Variants in CTNND2 observed in about 807,000 individuals in gnomAD.
The protein encoded by CTNND2 is catenin delta 2.
CTNND2 carries 22 observed loss-of-function variants against 144.4 expected under a neutral mutation model. The observed-to-expected ratio is 0.15, with a 90% CI of 0.11 to 0.22. The LOEUF is 0.22. Among genes scored for constraint, CTNND2 ranks in the 10% least tolerant of loss-of-function variants. The probability of loss-of-function intolerance (pLI) is 1.00; values close to 1 mark genes in which losing one functional copy is unlikely to be tolerated. For synonymous variants in CTNND2, 751 were observed against 695.6 expected (o/e 1.08, Z -1.25); for missense variants, 1,353 against 1,618.8 (o/e 0.84, Z 2.82).
chr5:11,213,053 A>C (rs1738800516), intron 10 of CTNND2, among the ~76,000 whole-genome samples: 1 of 152,194 alleles, frequency 6.6e-6, no homozygotes, highest in Non-Finnish European at 1.5e-5. Context: ...CAATGGTTTG[A>C]CCATTTTCCT....
At chr5:11,019,203 G>A (rs1741965535) in intron 17 of CTNND2, among the ~76,000 whole-genome samples, 1 of 151,772 alleles carries the variant, frequency 6.6e-6, no homozygotes, top group Non-Finnish European at 1.5e-5. Context: ...ATATCTCTAA[G>A]GTATGCCTGT....
At chr5:11,588,584 T>C (rs1409393575) in intron 2 of CTNND2, among the ~76,000 whole-genome samples, 1 of 152,212 alleles carries the variant, frequency 6.6e-6, no homozygotes, top group Non-Finnish European at 1.5e-5. Flanking sequence ...AATTGATAAC[T>C]GTGAGGTCAG....
chr5:11,269,935 A>G (rs776151370), intron 9 of CTNND2, among the ~76,000 whole-genome samples: 2 of 152,238 alleles, frequency 1.3e-5, no homozygotes, highest in Non-Finnish European at 2.9e-5. Context: ...TTGCAGGATT[A>G]TGTCAACCCT....
At chr5:11,576,925 A>C (rs1055545718) in intron 2 of CTNND2, among the ~76,000 whole-genome samples, 2 of 152,148 alleles carry the variant, frequency 1.3e-5, no homozygotes, top group Non-Finnish European at 2.9e-5. Flanking sequence ...ACTGGAAATC[A>C]AAATTTGCCC....
chr5:11,170,487 A>G (rs756473595), intron 11 of CTNND2, among the ~76,000 whole-genome samples: 29 of 152,222 alleles, frequency 1.9e-4, no homozygotes, highest in Non-Finnish European at 4.0e-4. Context: ...TTAATTAAAA[A>G]GAACTTTCAG....
chr5:11,048,510 A>G (rs1165229168), intron 16 of CTNND2, among the ~76,000 whole-genome samples: 1 of 152,204 alleles, frequency 6.6e-6, no homozygotes, highest in Non-Finnish European at 1.5e-5. Context: ...AGCGTTAGCC[A>G]CAGAAGAGTT....
chr5:11,547,308 T>C (rs147367387), intron 3 of CTNND2, among the ~76,000 whole-genome samples: 1,813 of 103,964 alleles, frequency 0.017, 20 homozygotes, highest in Middle Eastern at 0.03. Flanking sequence ...AATAAATAAA[T>C]AAATAAATAA....
intron 3 of CTNND2, among the ~76,000 whole-genome samples, chr5:11,485,372 T>TGCGCGCGCGCGCGCGC (rs1293570311): frequency 8.0e-6 from 1 of 125,714 alleles, no homozygotes; most frequent in Non-Finnish European, 1.8e-5. Flanking sequence ...TGTGTGTGTG[T>TGCGCGCGCGCGCGCGC]GTGCGCGCGC....
rs35851795 is a variant in CTNND2, at chr5:10,978,500, A to AG, written c.3417+3272dup. Among the ~76,000 whole-genome samples, 884 of 145,446 alleles carry AG rather than the reference A, an allele frequency of 6.1e-3. 14 individuals carry two copies. Among genetic ancestry groups the AG allele is most frequent in the African/African-American group, 0.019 (796 of 40,910 alleles). The stretch of plus-strand genomic sequence containing the variant: ...ATCTCCTTGGAAATACTTTTTGGGG[A>AG]GGGGGGGGAACCCTCTCTTTGGTGG... On this transcript the variant is annotated intron_variant, in intron 21 of 21. Transcript: ENST00000304623.
chr5:11,281,702 C>A (rs949220808), intron 9 of CTNND2, among the ~76,000 whole-genome samples: 4 of 152,162 alleles, frequency 2.6e-5, no homozygotes, highest in Non-Finnish European at 4.4e-5. Context: ...TCCTCCCCAC[C>A]CACTCACATG....
At chr5:11,516,076 A>T (rs1772139392) in intron 3 of CTNND2, among the ~76,000 whole-genome samples, 3 of 152,124 alleles carry the variant, frequency 2.0e-5, no homozygotes, top group African/African-American at 7.2e-5. Context: ...ACTGCACTCC[A>T]GTCTGGGTGA....
At chr5:11,264,864 G>A (rs529608990) in intron 9 of CTNND2, among the ~76,000 whole-genome samples, 23 of 152,258 alleles carry the variant, frequency 1.5e-4, no homozygotes, top group African/African-American at 5.5e-4. Context: ...CTGGGAGGCG[G>A]AGGTTGCAGT....
chr5:11,603,341 C>T (rs1358698719), intron 2 of CTNND2, among the ~76,000 whole-genome samples: 1 of 152,186 alleles, frequency 6.6e-6, no homozygotes, highest in Admixed American at 6.6e-5. Flanking sequence ...GAAACAAACA[C>T]AATTAGTTTA....
chr5:11,321,938 G>A (rs145597916), intron 9 of CTNND2, among the ~76,000 whole-genome samples: 34 of 152,152 alleles, frequency 2.2e-4, no homozygotes, highest in African/African-American at 7.7e-4. Flanking sequence ...AATACATCTG[G>A]TTATGTTACC....
intron 2 of CTNND2, among the ~76,000 whole-genome samples, chr5:11,573,125 G>A (rs888118690): frequency 2.0e-5 from 3 of 152,098 alleles, no homozygotes; most frequent in African/African-American, 4.8e-5. Flanking sequence ...AGATGTCCCC[G>A]ACAATCAAAT....
intron 3 of CTNND2, among the ~76,000 whole-genome samples, chr5:11,497,095 C>T: frequency 6.6e-6 from 1 of 152,156 alleles, no homozygotes; most frequent in East Asian, 1.9e-4. Flanking sequence ...GAAGGTCTGA[C>T]CAACCACTAG....
chr5:11,809,788 A>G (rs10065984), intron 1 of CTNND2, among the ~76,000 whole-genome samples: 12,982 of 152,272 alleles, frequency 0.085, 1,628 homozygotes, highest in African/African-American at 0.27. Flanking sequence ...TGTCAAATGC[A>G]TGGTGCAGCC....
At chr5:11,004,770 C>CAAAAAAAAA (rs56261802) in intron 18 of CTNND2, among the ~76,000 whole-genome samples, 3 of 88,856 alleles carry the variant, frequency 3.4e-5, no homozygotes, top group Non-Finnish European at 4.7e-5. Flanking sequence ...CTCCTTCTCA[C>CAAAAAAAAA]AAAAAAAAAA....
chr5:11,372,540 C>T (rs893950871), intron 7 of CTNND2, among the ~76,000 whole-genome samples: 1 of 152,038 alleles, frequency 6.6e-6, no homozygotes, highest in East Asian at 1.9e-4. Context: ...TAACAAAGAA[C>T]CGGTAGGAAC....
Sources: gnomAD v4.1 joint callset for allele counts (sites outside exome capture counted in the v4.1 genomes callset) on GRCh38, gnomAD v4.1.1 for gene constraint, MANE v1.5 for transcripts, NCBI Gene and HGNC (gene_info 2026-07-23, HGNC 2026-07-21) for gene names.